Variants in LRP1B observed in about 807,000 individuals in gnomAD.
The protein encoded by LRP1B is LDL receptor related protein 1B.
In LRP1B, 217 loss-of-function variants were observed where a neutral mutation model predicts 556.6. That is an observed-to-expected ratio of 0.39 (90% CI 0.35 to 0.44). The LOEUF (loss-of-function observed/expected upper bound fraction) is 0.44, where lower values mean the gene tolerates loss of function less well. Among genes scored for constraint, LRP1B ranks in the 20% least tolerant of loss-of-function variants. The pLI is 1.00. For missense variants in LRP1B, 5,053 were observed against 5,620.8 expected (o/e 0.90, Z 3.23); for synonymous variants, 2,047 against 1,865.8 (o/e 1.10, Z -2.50).
chr2:140,335,576 T>C (rs1262921152), intron 78 of LRP1B, 39 bp downstream of exon 78: 2 of 1,202,126 alleles, frequency 1.7e-6, no homozygotes, highest in South Asian at 2.4e-5. Flanking sequence ...AAAAGGATAT[T>C]CATTATCAAG....
intron 1 of LRP1B, among the ~76,000 whole-genome samples, chr2:141,950,155 C>A (rs1574522356): frequency 1.3e-5 from 2 of 152,064 alleles, no homozygotes; most frequent in East Asian, 3.9e-4. Context: ...TTTATAATTC[C>A]TTAGGATCAA....
chr2:141,922,500 A>G (rs1158025701), intron 1 of LRP1B, among the ~76,000 whole-genome samples: 1 of 152,192 alleles, frequency 6.6e-6, no homozygotes, highest in African/African-American at 2.4e-5. Context: ...AACACTTTAG[A>G]TTACATACAG....
chr2:141,511,591 G>A (rs16846369), intron 2 of LRP1B, among the ~76,000 whole-genome samples: 4,753 of 152,118 alleles, frequency 0.031, 267 homozygotes, highest in African/African-American at 0.11. Flanking sequence ...TAAAACATTC[G>A]AAATTTAAAT....
chr2:141,222,520 C>T (rs1176105809), intron 6 of LRP1B, among the ~76,000 whole-genome samples: 1 of 152,192 alleles, frequency 6.6e-6, no homozygotes, highest in Non-Finnish European at 1.5e-5. Context: ...TCCTCCCTAA[C>T]TCATTTTATG....
intron 16 of LRP1B, among the ~76,000 whole-genome samples, chr2:140,990,030 AC>A (rs1349322773): frequency 6.6e-6 from 1 of 151,874 alleles, no homozygotes; most frequent in East Asian, 1.9e-4. Flanking sequence ...ACTTGGTGAA[AC>A]CCTGTTTCTA....
intron 2 of LRP1B, among the ~76,000 whole-genome samples, chr2:141,708,903 G>A (rs1692250848): frequency 6.6e-6 from 1 of 152,118 alleles, no homozygotes; most frequent in Admixed American, 6.6e-5. Context: ...AAACAAACCT[G>A]CTAATACCTT....
chr2:140,591,068 A>T (rs1410316859), intron 43 of LRP1B, among the ~76,000 whole-genome samples: 1 of 152,214 alleles, frequency 6.6e-6, no homozygotes, highest in East Asian at 1.9e-4. Flanking sequence ...TTAGAAAGTT[A>T]TTAAGGTCTG....
At chr2:140,713,815 C>A (rs1687120720) in intron 37 of LRP1B, among the ~76,000 whole-genome samples, 1 of 151,864 alleles carries the variant, frequency 6.6e-6, no homozygotes, top group Non-Finnish European at 1.5e-5. Context: ...ATATACCTAC[C>A]CCATCTCAGA....
chr2:140,650,305 TTATTTTTA>T (rs1281370709), intron 41 of LRP1B, among the ~76,000 whole-genome samples: 1 of 132,590 alleles, frequency 7.5e-6, no homozygotes, highest in African/African-American at 2.8e-5. Context: ...CACTTTATTT[TTATTTTTA>T]TTTATTTATT....
intron 66 of LRP1B, among the ~76,000 whole-genome samples, chr2:140,422,392 ACACAG>A (rs1685483575): frequency 6.6e-6 from 1 of 152,220 alleles, no homozygotes; most frequent in African/African-American, 2.4e-5. Context: ...AAAAGCAGGC[ACACAG>A]CAGTGGAGAA....
At chr2:140,850,710 A>G (rs1692431638) in intron 28 of LRP1B, among the ~76,000 whole-genome samples, 3 of 152,154 alleles carry the variant, frequency 2.0e-5, no homozygotes, top group Non-Finnish European at 4.4e-5. Flanking sequence ...GAATCTAACA[A>G]CTTTTTTCTA....
intron 6 of LRP1B, among the ~76,000 whole-genome samples, chr2:141,210,202 G>A (rs1011632686): frequency 2.7e-5 from 4 of 150,718 alleles, no homozygotes; most frequent in African/African-American, 9.8e-5. Context: ...CCAGTATCTC[G>A]TAAACATCGC....
chr2:141,775,312 G>A (rs940584234), intron 2 of LRP1B, among the ~76,000 whole-genome samples: 11 of 152,144 alleles, frequency 7.2e-5, no homozygotes, highest in African/African-American at 1.7e-4. Flanking sequence ...GAAAGCAATT[G>A]ATTTTTGCCC....
At chr2:140,528,913 T>G (rs578045460) in intron 47 of LRP1B, among the ~76,000 whole-genome samples, 2 of 152,198 alleles carry the variant, frequency 1.3e-5, no homozygotes, top group Admixed American at 1.3e-4. Context: ...TGAAATTTGT[T>G]TCATCCATAA....
At chr2:140,709,309 T>C (rs894968612) in intron 37 of LRP1B, among the ~76,000 whole-genome samples, 2 of 152,088 alleles carry the variant, frequency 1.3e-5, no homozygotes, top group African/African-American at 4.8e-5. Context: ...GGGCTTCCTA[T>C]ACATCTTTTC....
chr2:140,576,595 A>G (rs936863547), intron 43 of LRP1B, among the ~76,000 whole-genome samples: 6 of 152,176 alleles, frequency 3.9e-5, no homozygotes, highest in Non-Finnish European at 7.4e-5. Flanking sequence ...ATCAGCTTCA[A>G]AGATCATCTG....
At chr2:141,949,172 T>C (rs1204287821) in intron 1 of LRP1B, among the ~76,000 whole-genome samples, 1 of 152,114 alleles carries the variant, frequency 6.6e-6, no homozygotes, top group African/African-American at 2.4e-5. Context: ...TATCTAAGTA[T>C]CCAATGACAT....
intron 1 of LRP1B, among the ~76,000 whole-genome samples, chr2:142,038,435 G>T (rs1574621515): frequency 6.6e-6 from 1 of 151,638 alleles, no homozygotes. Context: ...GCTGATATTT[G>T]GTACATTTAG....
chr2:140,326,464 G>A (rs1002184795), intron 79 of LRP1B, among the ~76,000 whole-genome samples: 9 of 149,690 alleles, frequency 6.0e-5, no homozygotes, highest in Admixed American at 1.3e-4. Context: ...GGTGGCTCAC[G>A]CCTGTAATCC....
Sources: allele counts gnomAD v4.1 joint callset (sites outside exome capture counted in the v4.1 genomes callset), GRCh38; gene constraint gnomAD v4.1.1; transcripts MANE v1.5; gene names NCBI Gene and HGNC (gene_info 2026-07-23, HGNC 2026-07-21).